RASEF: variants seen among roughly 807,000 people sequenced by gnomAD.
The protein encoded by RASEF is ras and EF-hand domain-containing protein.
RASEF carries 68 observed loss-of-function variants against 90.1 expected under a neutral mutation model. That is an observed-to-expected ratio of 0.75 (90% CI 0.62 to 0.92). RASEF has a LOEUF of 0.92. Among genes scored for constraint, RASEF ranks in the 40% least tolerant of loss-of-function variants. The pLI, the probability that RASEF is intolerant of heterozygous loss-of-function variation, is 0.00. For missense variants in RASEF, 949 were observed against 937.2 expected, an observed-to-expected ratio of 1.01 and a Z score of -0.16; for synonymous variants, 331 against 345.2, an observed-to-expected ratio of 0.96 and a Z score of 0.46.
the RASEF span, among the ~76,000 whole-genome samples, chr9:83,147,949 C>T: frequency 6.6e-6 from 1 of 152,026 alleles, no homozygotes; most frequent in African/African-American, 2.4e-5. Context: ...TGCTGTGCTG[C>T]TCTTCTGTTC....
chr9:83,175,732 T>C, the RASEF span, among the ~76,000 whole-genome samples: 601 of 152,130 alleles, frequency 4.0e-3, 3 homozygotes, highest in African/African-American at 0.014. Flanking sequence ...AGGCGCACAC[T>C]GCCATGCCCG....
the RASEF span, among the ~76,000 whole-genome samples, chr9:83,085,427 A>G: frequency 1.3e-5 from 2 of 150,264 alleles, no homozygotes; most frequent in African/African-American, 4.9e-5. Flanking sequence ...TGGGCTCAGG[A>G]GTTCAAGACC....
intron 1 of RASEF, among the ~76,000 whole-genome samples, chr9:83,061,137 T>C (rs1830193851): frequency 6.6e-6 from 1 of 152,064 alleles, no homozygotes; most frequent in Admixed American, 6.5e-5. Flanking sequence ...AAATAAAGAG[T>C]ATAGGTTGTA....
chr9:82,992,817 A>C (rs1322091919), intron 15 of RASEF, 89 bp downstream of exon 15: 2 of 1,420,290 alleles, frequency 1.4e-6, no homozygotes, highest in Non-Finnish European at 1.9e-6. Flanking sequence ...GGACCTCTCA[A>C]GCAAAGGTAG....
the RASEF span, among the ~76,000 whole-genome samples, chr9:83,174,474 G>T: frequency 6.6e-6 from 1 of 151,880 alleles, no homozygotes; most frequent in African/African-American, 2.4e-5. Context: ...GCTTATTTCT[G>T]GTCTCTCTGT....
chr9:83,193,788 A>G, the RASEF span, among the ~76,000 whole-genome samples: 1 of 152,190 alleles, frequency 6.6e-6, no homozygotes, highest in Non-Finnish European at 1.5e-5. Flanking sequence ...CGAGGGATAT[A>G]GCATGTGCAT....
chr9:83,110,215 C>T, the RASEF span, among the ~76,000 whole-genome samples: 1 of 152,060 alleles, frequency 6.6e-6, no homozygotes, highest in South Asian at 2.1e-4. Flanking sequence ...ATTTTGGAAC[C>T]AAAGAAACTC....
the RASEF span, among the ~76,000 whole-genome samples, chr9:83,077,864 A>G: frequency 6.6e-6 from 1 of 152,232 alleles, no homozygotes; most frequent in Non-Finnish European, 1.5e-5. Flanking sequence ...ACAGCAGCCC[A>G]GGAAACAAGG....
the RASEF span, among the ~76,000 whole-genome samples, chr9:83,108,766 C>T: frequency 6.6e-6 from 1 of 152,164 alleles, no homozygotes; most frequent in African/African-American, 2.4e-5. Context: ...TCTGATTGAA[C>T]TTCTATTTCA....
At chr9:83,020,870 A>C (rs910330414) in intron 3 of RASEF, among the ~76,000 whole-genome samples, 9 of 152,172 alleles carry the variant, frequency 5.9e-5, no homozygotes, top group Non-Finnish European at 1.2e-4. Flanking sequence ...GGAGAGAAAA[A>C]AAGGCAGAAA....
At chr9:83,203,147 G>A in the RASEF span, among the ~76,000 whole-genome samples, 1 of 151,824 alleles carries the variant, frequency 6.6e-6, no homozygotes, top group Non-Finnish European at 1.5e-5. Flanking sequence ...ATTAGTGTGG[G>A]TTCCTACAAA....
chr9:83,032,918 G>A (rs1159516094), intron 1 of RASEF, among the ~76,000 whole-genome samples: 1 of 152,150 alleles, frequency 6.6e-6, no homozygotes, highest in Non-Finnish European at 1.5e-5. Flanking sequence ...TATGTAGAAT[G>A]CTTGGACACC....
At chr9:83,013,538 T>C (rs1218515733) in intron 4 of RASEF, among the ~76,000 whole-genome samples, 1 of 152,230 alleles carries the variant, frequency 6.6e-6, no homozygotes, top group Non-Finnish European at 1.5e-5. Context: ...TTAGTGGCAA[T>C]TGTAACAAAT....
At chr9:83,167,849 T>C in the RASEF span, among the ~76,000 whole-genome samples, 2 of 152,294 alleles carry the variant, frequency 1.3e-5, no homozygotes, top group East Asian at 3.9e-4. Context: ...TTACCGCTTT[T>C]ACTGCTGAAA....
chr9:83,154,159 G>C, the RASEF span, among the ~76,000 whole-genome samples: 3 of 152,162 alleles, frequency 2.0e-5, no homozygotes, highest in Admixed American at 2.0e-4. Flanking sequence ...CCACTTACCA[G>C]GTCTTTGCAT....
the RASEF span, among the ~76,000 whole-genome samples, chr9:83,091,754 G>C: frequency 6.6e-6 from 1 of 152,004 alleles, no homozygotes; most frequent in East Asian, 1.9e-4. Context: ...TTTGAGTGAG[G>C]TAAAATAATG....
the RASEF span, among the ~76,000 whole-genome samples, chr9:83,181,514 G>A: frequency 6.6e-6 from 1 of 152,162 alleles, no homozygotes; most frequent in Non-Finnish European, 1.5e-5. Flanking sequence ...TAGGCAGGGT[G>A]GACCTAAAGC....
At chr9:83,178,120 T>C in the RASEF span, among the ~76,000 whole-genome samples, 1 of 152,186 alleles carries the variant, frequency 6.6e-6, no homozygotes, top group African/African-American at 2.4e-5. Context: ...TATTTTTCAA[T>C]AGGGAGTGAG....
chr9:83,011,373 G>A (rs1367830607), intron 5 of RASEF, among the ~76,000 whole-genome samples: 1 of 151,906 alleles, frequency 6.6e-6, no homozygotes, highest in East Asian at 1.9e-4. Context: ...CCAACACGGT[G>A]AAACCCTGTC....
Sources: allele counts gnomAD v4.1 joint callset (sites outside exome capture counted in the v4.1 genomes callset), GRCh38; gene constraint gnomAD v4.1.1; transcripts MANE v1.5; gene names NCBI Gene and HGNC (gene_info 2026-07-23, HGNC 2026-07-21).